SEMA6A: variants seen among roughly 807,000 people sequenced by gnomAD.
The protein encoded by SEMA6A is semaphorin 6A.
A neutral mutation model predicts 96.8 loss-of-function variants in SEMA6A; 25 were observed. That is an observed-to-expected ratio of 0.26 (90% CI 0.19 to 0.36). The LOEUF is 0.36. Ranked by LOEUF, SEMA6A falls within the 10% of genes least tolerant of loss-of-function variation. The probability of loss-of-function intolerance (pLI) is 1.00; values close to 1 mark genes in which losing one functional copy is unlikely to be tolerated. For missense variants in SEMA6A, 1,363 were observed against 1,323.1 expected (o/e 1.03, Z -0.47); for synonymous variants, 612 against 518.0 (o/e 1.18, Z -2.46).
chr5:116,519,236 C>T (rs1758814642), intron 1 of SEMA6A, among the ~76,000 whole-genome samples: 1 of 152,176 alleles, frequency 6.6e-6, no homozygotes, highest in Non-Finnish European at 1.5e-5. Flanking sequence ...GCACCTCCTC[C>T]ATTCTCACAC....
chr5:116,502,072 ATAAGT>A (rs1473399967), intron 3 of SEMA6A, 133 bp downstream of exon 3: 3 of 645,704 alleles, frequency 4.6e-6, no homozygotes, highest in East Asian at 5.4e-5. Flanking sequence ...TGATTGCTTG[ATAAGT>A]TAAAGGAGGC....
chr5:116,494,940 G>A lies in SEMA6A; in HGVS notation c.444+473C>T, dbSNP rs372683727. Among the ~76,000 whole-genome samples, 28 of 152,120 alleles carry A rather than the reference G, an allele frequency of 1.8e-4. No individual in the cohort carries two copies. In the East Asian group the frequency reaches 2.5e-3, roughly 14 times the overall value. Reference sequence around the variant, plus strand: ...GCATAAAGCCAAAGTAAGCAAGGCCGTGGTCAAGAAAGCTGAGTGCTCAAT... The same window carrying A: ...GCATAAAGCCAAAGTAAGCAAGGCCATGGTCAAGAAAGCTGAGTGCTCAAT... On this transcript the variant is annotated intron_variant, in intron 6 of 18. Transcript: ENST00000343348.
At chr5:116,462,889 A>C (rs191872621) in intron 18 of SEMA6A, among the ~76,000 whole-genome samples, 24 of 152,302 alleles carry the variant, frequency 1.6e-4, no homozygotes, top group Admixed American at 1.5e-3. Context: ...TTATTTACTT[A>C]GTATTTTTAT....
At chr5:116,488,232 C>T in intron 8 of SEMA6A, 36 bp from the exon 9 acceptor site, 7 of 1,351,122 alleles carry the variant, frequency 5.2e-6, no homozygotes, top group Non-Finnish European at 7.4e-6. Context: ...GGGAACATGT[C>T]AAACAGAGTT....
chr5:116,495,965 C>A, intron 5 of SEMA6A: 1 of 371,942 alleles, frequency 2.7e-6, no homozygotes, highest in South Asian at 2.8e-5. Context: ...AGGTGGGCAT[C>A]GGCGTACACT....
intron 17 of SEMA6A, 190 bp from the exon 18 acceptor site, chr5:116,467,937 C>T (rs1755876270): frequency 3.4e-6 from 2 of 592,630 alleles, no homozygotes; most frequent in South Asian, 2.1e-5. Context: ...CAGCAGAAAG[C>T]CCATTGAACT....
chr5:116,480,375 A>G (rs1279442035), intron 11 of SEMA6A, 98 bp from the exon 12 acceptor site: 13 of 1,408,118 alleles, frequency 9.2e-6, no homozygotes, highest in Non-Finnish European at 1.2e-5. Flanking sequence ...GGAATGGAGG[A>G]GAATGTACTG....
Position 116,446,895 on chromosome 5 carries a change from GTTTCT to G in SEMA6A, c.2806_2810del (p.Arg936GlnfsTer3). On this transcript the variant is annotated frameshift_variant, in exon 19 of 19. Transcript: ENST00000343348. LOFTEE classifies it high-confidence loss of function. ...GAGAGGAATTGGAGGAGTTAGTGTT[GTTTCT>G]TTTGAGAGTGGTGGCCTGGTGGCTT... 2 of 1,613,970 alleles carry G rather than the reference GTTTCT, an allele frequency of 1.2e-6. No individual in the cohort carries two copies. Among genetic ancestry groups the G allele is most frequent in the Non-Finnish European group, 1.7e-6 (2 of 1,179,886 alleles).
At chr5:116,481,225 G>A (rs1756747610) in intron 11 of SEMA6A, among the ~76,000 whole-genome samples, 1 of 152,186 alleles carries the variant, frequency 6.6e-6, no homozygotes, top group Non-Finnish European at 1.5e-5. Flanking sequence ...TTGGTTGAGT[G>A]ACACCATCTT....
intron 7 of SEMA6A, among the ~76,000 whole-genome samples, chr5:116,490,172 T>C (rs1045327589): frequency 6.6e-6 from 1 of 152,216 alleles, no homozygotes. Flanking sequence ...ATATCTGCAA[T>C]ATTAACAGCT....
intron 1 of SEMA6A, among the ~76,000 whole-genome samples, chr5:116,536,883 A>AG (rs1759739240): frequency 2.7e-5 from 4 of 148,192 alleles, no homozygotes; most frequent in Admixed American, 2.0e-4. Context: ...AAAAAAAAAA[A>AG]AAAAAAAAAA....
intron 11 of SEMA6A, among the ~76,000 whole-genome samples, chr5:116,481,260 A>G (rs982599677): frequency 1.3e-5 from 2 of 152,212 alleles, no homozygotes; most frequent in Non-Finnish European, 2.9e-5. Flanking sequence ...AGGGTATTAC[A>G]TAAGAACTTA....
intron 1 of SEMA6A, among the ~76,000 whole-genome samples, chr5:116,518,892 A>AT (rs1168448155): frequency 6.6e-6 from 1 of 152,160 alleles, no homozygotes; most frequent in Non-Finnish European, 1.5e-5. Flanking sequence ...CAAAGAGGAG[A>AT]TTCCCCACGT....
At chr5:116,478,231 C>T in intron 13 of SEMA6A, 77 bp from the exon 14 acceptor site, 1 of 1,518,612 alleles carries the variant, frequency 6.6e-7, no homozygotes, top group Non-Finnish European at 8.9e-7. Flanking sequence ...TCCCACTTCC[C>T]AGCCCACAAG....
chr5:116,485,848 A>G (rs1757024608), intron 10 of SEMA6A, among the ~76,000 whole-genome samples: 1 of 152,244 alleles, frequency 6.6e-6, no homozygotes, highest in Admixed American at 6.5e-5. Flanking sequence ...GATCATTTTC[A>G]CACAACAATA....
chr5:116,567,826 C>A (rs1055408900), intron 1 of SEMA6A, among the ~76,000 whole-genome samples: 5 of 152,132 alleles, frequency 3.3e-5, no homozygotes, highest in Admixed American at 6.5e-5. Flanking sequence ...CCTGGTTCAC[C>A]CTGACATATT....
At chr5:116,448,196 A>AAAAAAAAAAAAAAAAAAAAAAAT (rs780426357) in intron 18 of SEMA6A, among the ~76,000 whole-genome samples, 7 of 138,636 alleles carry the variant, frequency 5.0e-5, no homozygotes, top group African/African-American at 2.0e-4. Flanking sequence ...AAAAAAAAAA[A>AAAAAAAAAAAAAAAAAAAAAAAT]TTAGCCAGGC....
intron 18 of SEMA6A, among the ~76,000 whole-genome samples, chr5:116,456,203 C>T (rs1270241466): frequency 2.6e-5 from 4 of 152,172 alleles, no homozygotes; most frequent in African/African-American, 7.2e-5. Flanking sequence ...ATCAGTGCCA[C>T]TCAGCATTAA....
At chr5:116,523,175 G>C (rs75851844) in intron 1 of SEMA6A, among the ~76,000 whole-genome samples, 4,991 of 152,212 alleles carry the variant, frequency 0.033, 109 homozygotes, top group Non-Finnish European at 0.05. Flanking sequence ...AAGGAGCAAA[G>C]GCATGTTTCC....
Sources: gnomAD v4.1 joint callset for allele counts (sites outside exome capture counted in the v4.1 genomes callset) on GRCh38, gnomAD v4.1.1 for gene constraint, MANE v1.5 for transcripts, NCBI Gene and HGNC (gene_info 2026-07-23, HGNC 2026-07-21) for gene names.